The following ERMARD variants were observed in gnomAD, a reference collection of about 807,000 sequenced individuals.
ERMARD encodes the protein endoplasmic reticulum membrane-associated RNA degradation protein.
In ERMARD, 71 loss-of-function variants were observed where a neutral mutation model predicts 83.9. That is an observed-to-expected ratio of 0.85 (90% CI 0.70 to 1.03). The LOEUF (loss-of-function observed/expected upper bound fraction) is 1.03, where lower values mean the gene tolerates loss of function less well. Among genes scored for constraint, ERMARD ranks in the 50% least tolerant of loss-of-function variants. ERMARD has a pLI of 0.00. For synonymous variants in ERMARD, 284 were observed against 298.6 expected (o/e 0.95, Z 0.50); for missense variants, 838 against 810.9 (o/e 1.03, Z -0.41).
intron 12 of ERMARD, among the ~76,000 whole-genome samples, chr6:169,772,551 A>T (rs927607352): frequency 2.6e-5 from 4 of 152,062 alleles, no homozygotes; most frequent in African/African-American, 9.7e-5. Context: ...GGGTCACCTG[A>T]GGTCAGGAGT....
intron 9 of ERMARD, among the ~76,000 whole-genome samples, chr6:169,765,829 G>A (rs1469468632): frequency 6.6e-6 from 1 of 152,152 alleles, no homozygotes; most frequent in Non-Finnish European, 1.5e-5. Context: ...TACAGTGATG[G>A]AGCGTGCCAC....
At chr6:169,777,786 C>A (rs749630342) in intron 16 of ERMARD, among the ~76,000 whole-genome samples, 23 of 152,082 alleles carry the variant, frequency 1.5e-4, no homozygotes, top group Middle Eastern at 3.4e-3. Context: ...CTTCCCCCCA[C>A]CCACAGCTCC....
chr6:169,763,026 A>G (rs374752567), intron 9 of ERMARD, among the ~76,000 whole-genome samples: 3 of 152,262 alleles, frequency 2.0e-5, no homozygotes, highest in African/African-American at 7.2e-5. Flanking sequence ...CCATGTGTGT[A>G]CACACACGCG....
rs1357433919 is a variant in ERMARD at position 169,762,494 on chromosome 6, C to G, written c.923C>G (p.Thr308Arg). Residue 308 changes from threonine (T) to arginine (R), a missense_variant, in exon 9 of 18, where the codon ACA becomes AGA. By Grantham distance (71) the Thr-to-Arg change is moderately conservative (BLOSUM62 -1). Coordinates refer to ENST00000366773, the MANE Select transcript of ERMARD (RefSeq NM_018341.3). Reference protein sequence around the residue: ...LETGLRNVFATLNRCPKRLLT... With the variant: ...LETGLRNVFARLNRCPKRLLT... ...ACTGGACTTAGGAATGTTTTTGCCA[C>G]ACTTAACAGATGTCCAAAAAGACTC... 1 of 1,614,054 alleles carries G rather than the reference C, an allele frequency of 6.2e-7. No homozygotes were observed. Among genetic ancestry groups the G allele is most frequent in the Admixed American group, 1.7e-5 (1 of 60,004 alleles).
chr6:169,777,930 C>G (rs7771373), intron 16 of ERMARD, among the ~76,000 whole-genome samples: 43,747 of 152,172 alleles, frequency 0.29, 7,032 homozygotes, highest in African/African-American at 0.43. Context: ...ATTTTCCAAC[C>G]TGCTTATTCC....
chr6:169,759,891 G>A lies in ERMARD; in HGVS notation c.659G>A (p.Ser220Asn), dbSNP rs1791310891. 6.2e-7 allele frequency: 1 copy of A among 1,614,200 alleles called. No individual in the cohort carries two copies. The highest frequency in any genetic ancestry group is 1.3e-5 in the African/African-American group (1 of 75,044). ...GCAGGATTGGGTCAGTTACTGAAGA[G>A]TTACCTTCAAAACACTAAACTTACA... ...LTAGLGQLLK[S>N]YLQNTKLTLA... Residue 220 changes from serine to asparagine, a missense_variant, in exon 7 of 18, where the codon AGT becomes AAT. Ser to Asn is a conservative substitution (Grantham distance 46). Transcript: ENST00000366773.
Position 169,762,531 on chromosome 6 carries a change from G to A in ERMARD, c.960G>A (p.Glu320=), listed in dbSNP as rs149649895. 665 of 1,611,430 alleles carry A rather than the reference G, an allele frequency of 4.1e-4. No individual in the cohort carries two copies. In the African/African-American group the frequency reaches 6.6e-3, roughly 16 times the overall value. ...NRCPKRLLTA[E]STALYTTFDQ... ...GTCCAAAAAGACTCCTGACTGCTGAGGTAAGCTTGTTTTTATTATTGATTG... is the reference window on the plus strand; with the variant it reads ...GTCCAAAAAGACTCCTGACTGCTGAAGTAAGCTTGTTTTTATTATTGATTG... Residue 320 remains glutamate (E), a splice_region_variant and synonymous_variant, in exon 9 of 18, where the codon GAG becomes GAA. Coordinates refer to ENST00000366773, the MANE Select transcript of ERMARD (RefSeq NM_018341.3).
At chr6:169,754,865 T>A (rs1790593857) in intron 2 of ERMARD, among the ~76,000 whole-genome samples, 1 of 152,182 alleles carries the variant, frequency 6.6e-6, no homozygotes, top group Non-Finnish European at 1.5e-5. Context: ...TCATTGCCAT[T>A]AGAAATCTCA....
chr6:169,756,121 A>G (rs1214330377), intron 3 of ERMARD, among the ~76,000 whole-genome samples: 1 of 152,198 alleles, frequency 6.6e-6, no homozygotes, highest in Non-Finnish European at 1.5e-5. Flanking sequence ...GCTTTCAATA[A>G]ACGTTTAAAT....
intron 1 of ERMARD, chr6:169,753,323 G>A (rs1029242940): frequency 3.9e-5 from 6 of 154,342 alleles, no homozygotes; most frequent in African/African-American, 1.2e-4. Flanking sequence ...GAAGAGGCAT[G>A]TTTTGGGATG....
rs553831450 is a variant in ERMARD at position 169,751,649 on chromosome 6, C to A, written c.-9C>A. ...CATTCACGCGCGCCGCAGCGGGGCACCGGAAGTTATGGAGGTAGGGCGGGT... is the reference window on the plus strand; with the variant it reads ...CATTCACGCGCGCCGCAGCGGGGCAACGGAAGTTATGGAGGTAGGGCGGGT... On this transcript the variant is annotated 5_prime_UTR_variant, in exon 1 of 18. Coordinates refer to ENST00000366773, the MANE Select transcript of ERMARD (RefSeq NM_018341.3). 3 of 1,564,494 alleles carry A rather than the reference C, an allele frequency of 1.9e-6. No homozygotes were observed. The highest frequency in any genetic ancestry group is 2.7e-5 in the African/African-American group (2 of 73,802).
chr6:169,766,957 G>T (rs1321689590), intron 10 of ERMARD: 2 of 312,532 alleles, frequency 6.4e-6, no homozygotes, highest in South Asian at 1.2e-4. Flanking sequence ...AGATTTAGGG[G>T]TGACATCTTT....
chr6:169,762,367 A>C lies in ERMARD; in HGVS notation c.858-62A>C, dbSNP rs1791659547. ...TGGGATTACAGGCATGAGCCACTGC[A>C]CCTGGCCTAATATTTATTTTTGAAA... On this transcript the variant is annotated intron_variant, in intron 8 of 17. Transcript: ENST00000366773. The C allele has an allele frequency of 4.7e-6, 7 of 1,475,198 alleles. No homozygotes were observed. In the South Asian group the frequency reaches 8.1e-5, roughly 17 times the overall value. 91.4% of individuals were successfully genotyped at this position (1,475,198 alleles called of 1,614,324 possible).
intron 11 of ERMARD, among the ~76,000 whole-genome samples, chr6:169,769,215 A>C (rs1792587544): frequency 6.6e-6 from 1 of 152,228 alleles, no homozygotes; most frequent in Non-Finnish European, 1.5e-5. Context: ...CTCACACAAG[A>C]AAGAGCCGTG....
rs921742389 is a variant in ERMARD at position 169,762,333 on chromosome 6, C to A, written c.858-96C>A. On this transcript the variant is annotated intron_variant, in intron 8 of 17. Coordinates refer to ENST00000366773, the MANE Select transcript of ERMARD (RefSeq NM_018341.3). ...CAAGCGATCCTCCCACCTTGGCTTC[C>A]CAAAATGCTGGGATTACAGGCATGA... is the stretch of plus-strand genomic sequence containing the variant. 12 of 1,182,904 alleles carry A rather than the reference C, an allele frequency of 1.0e-5. No homozygotes were observed. The Admixed American group carries it at 2.4e-4, about 24-fold the overall frequency. The allele number at this position is 1,182,904 out of a possible 1,614,324, so 73.3% of individuals were successfully genotyped here.
chr6:169,752,012 C>T (rs1046088959), intron 1 of ERMARD: 3 of 353,908 alleles, frequency 8.5e-6, no homozygotes, highest in African/African-American at 6.5e-5. Flanking sequence ...GTGGCTCGTT[C>T]CTAGAAGCGC....
At chr6:169,779,017 C>T (rs573885707) in intron 16 of ERMARD, among the ~76,000 whole-genome samples, 165 bp from the exon 17 acceptor site, 4 of 152,194 alleles carry the variant, frequency 2.6e-5, no homozygotes, top group East Asian at 1.9e-4. Flanking sequence ...CTGCCGGCCA[C>T]GGGCCTCGGG....
At chr6:169,778,008 C>A (rs1006104931) in intron 16 of ERMARD, among the ~76,000 whole-genome samples, 8 of 152,240 alleles carry the variant, frequency 5.3e-5, no homozygotes, top group African/African-American at 1.9e-4. Context: ...GCAGGACCCA[C>A]CCTGGACAGG....
Position 169,769,541 on chromosome 6 carries a change from A to T in ERMARD, c.1061A>T (p.Glu354Val). 2 of 1,595,090 alleles carry T rather than the reference A, an allele frequency of 1.3e-6. No individual in the cohort carries two copies. Among genetic ancestry groups the T allele is most frequent in the Non-Finnish European group, 1.7e-6 (2 of 1,171,746 alleles). Residue 354 changes from glutamate (E) to valine (V), a missense_variant and splice_region_variant, in exon 12 of 18, where the codon GAA becomes GTA. Glu to Val is a moderately radical substitution (Grantham distance 121, BLOSUM62 -2). Coordinates refer to ENST00000366773, the MANE Select transcript of ERMARD (RefSeq NM_018341.3). ...LPLFLGEPAM[E>V]FLWDFLNHQE... ...TTTTCTCTGTTTAATTTCTGAAAGG[A>T]ATTTCTCTGGGATTTCCTGAACCAT...
Sources: allele counts gnomAD v4.1 joint callset (sites outside exome capture counted in the v4.1 genomes callset), GRCh38; gene constraint gnomAD v4.1.1; transcripts MANE v1.5; gene names NCBI Gene and HGNC (gene_info 2026-07-23, HGNC 2026-07-21).